Variants in PTPRN2 observed in about 807,000 individuals in gnomAD.
PTPRN2 encodes receptor-type tyrosine-protein phosphatase N2.
PTPRN2 carries 74 observed loss-of-function variants against 118.8 expected under a neutral mutation model. The ratio of observed to expected loss-of-function variants is 0.62; its 90% CI spans 0.52 to 0.76. The LOEUF is 0.76. PTPRN2 is among the 30% of genes least tolerant of loss of function. PTPRN2 has a pLI of 0.00. For synonymous variants in PTPRN2, 641 were observed against 608.0 expected (o/e 1.05, Z -0.80); for missense variants, 1,481 against 1,394.4 (o/e 1.06, Z -0.99).
chr7:158,143,945 G>T (rs1819636442), intron 6 of PTPRN2, among the ~76,000 whole-genome samples: 1 of 152,076 alleles, frequency 6.6e-6, no homozygotes, highest in Non-Finnish European at 1.5e-5. Context: ...CCCCCCCGCA[G>T]CCGGAGCTCC....
At chr7:157,624,136 T>G (rs758601881) in intron 14 of PTPRN2, among the ~76,000 whole-genome samples, 4 of 152,170 alleles carry the variant, frequency 2.6e-5, no homozygotes, top group Non-Finnish European at 5.9e-5. Flanking sequence ...GAAAGTGCAT[T>G]GAGGCCGGGC....
chr7:157,581,670 A>T (rs1430991592), intron 17 of PTPRN2, among the ~76,000 whole-genome samples: 2 of 152,236 alleles, frequency 1.3e-5, no homozygotes, highest in South Asian at 4.1e-4. Flanking sequence ...GACCCAACTG[A>T]GTAAGTTTAC....
chr7:157,651,256 C>T (rs1035782653), intron 14 of PTPRN2, among the ~76,000 whole-genome samples: 17 of 152,152 alleles, frequency 1.1e-4, no homozygotes, highest in African/African-American at 3.9e-4. Flanking sequence ...TCTGTCACTG[C>T]GCTTGGTTTT....
chr7:158,449,199 G>A (rs554377919), intron 2 of PTPRN2, among the ~76,000 whole-genome samples: 73 of 152,328 alleles, frequency 4.8e-4, no homozygotes, highest in African/African-American at 1.5e-3. Context: ...CAGGTCATGC[G>A]TGGGGTAGGG....
At chr7:158,301,599 G>A (rs1316784107) in intron 3 of PTPRN2, among the ~76,000 whole-genome samples, 2 of 152,194 alleles carry the variant, frequency 1.3e-5, no homozygotes, top group East Asian at 3.9e-4. Context: ...GATAAGCAAA[G>A]TGCATTCACA....
At chr7:158,334,898 T>C (rs542771245) in intron 2 of PTPRN2, among the ~76,000 whole-genome samples, 1 of 11,994 alleles carries the variant, frequency 8.3e-5, no homozygotes, top group African/African-American at 2.1e-4. Context: ...TCCGGAGGCG[T>C]CACTCACACC....
chr7:158,294,625 T>C (rs1250039937), intron 3 of PTPRN2, among the ~76,000 whole-genome samples: 6 of 152,112 alleles, frequency 3.9e-5, no homozygotes, highest in African/African-American at 1.2e-4. Flanking sequence ...GAGGCAGGGC[T>C]GAGCCAGGCC....
chr7:157,957,481 A>G (rs11773070), intron 11 of PTPRN2, among the ~76,000 whole-genome samples: 125,727 of 152,042 alleles, frequency 0.83, 52,571 homozygotes, highest in East Asian at 0.9. Context: ...TGGTACACAC[A>G]ACAGATACAA....
At chr7:158,258,191 C>G (rs556153296) in intron 3 of PTPRN2, among the ~76,000 whole-genome samples, 3 of 152,322 alleles carry the variant, frequency 2.0e-5, no homozygotes, top group Non-Finnish European at 4.4e-5. Context: ...CTGGAGCATT[C>G]CCGACGTCCA....
At chr7:158,223,412 A>C (rs1828509598) in intron 3 of PTPRN2, among the ~76,000 whole-genome samples, 1 of 152,218 alleles carries the variant, frequency 6.6e-6, no homozygotes, top group East Asian at 1.9e-4. Flanking sequence ...GTAGACACAA[A>C]AATCCTTTAC....
intron 2 of PTPRN2, among the ~76,000 whole-genome samples, chr7:158,358,135 C>A (rs554655489): frequency 1.3e-5 from 2 of 152,348 alleles, no homozygotes; most frequent in African/African-American, 4.8e-5. Flanking sequence ...CCCGGCTCAC[C>A]CCTGCAGGCG....
At chr7:157,809,701 C>T (rs552876108) in intron 12 of PTPRN2, among the ~76,000 whole-genome samples, 2 of 152,302 alleles carry the variant, frequency 1.3e-5, no homozygotes, top group South Asian at 2.1e-4. Flanking sequence ...TTGCCAGGAG[C>T]CACAGAGAGT....
intron 12 of PTPRN2, among the ~76,000 whole-genome samples, chr7:157,866,863 A>C (rs1297548492): frequency 1.0e-4 from 5 of 49,548 alleles, no homozygotes; most frequent in African/African-American, 1.6e-4. Flanking sequence ...CACGGCCACC[A>C]CCCCGCCCCC....
At chr7:157,687,421 G>A (rs1366953121) in intron 12 of PTPRN2, among the ~76,000 whole-genome samples, 2 of 152,182 alleles carry the variant, frequency 1.3e-5, no homozygotes, top group Non-Finnish European at 2.9e-5. Context: ...GTCACGATGT[G>A]CAGTATTAAA....
chr7:157,670,245 G>A (rs561312665), intron 13 of PTPRN2, among the ~76,000 whole-genome samples: 14 of 152,280 alleles, frequency 9.2e-5, no homozygotes, highest in Non-Finnish European at 1.6e-4. Context: ...AGGCACGTAC[G>A]GGCTCACGGG....
At chr7:158,582,022 T>A (rs190978321) in intron 1 of PTPRN2, among the ~76,000 whole-genome samples, 5 of 152,290 alleles carry the variant, frequency 3.3e-5, no homozygotes, top group Admixed American at 1.3e-4. Flanking sequence ...TGTGGCAGAG[T>A]TCTTAGAGAT....
At position 158,587,758 on chromosome 7, in the gene PTPRN2, G is replaced by T; in HGVS notation, c.-89C>A. The T allele has an allele frequency of 3.8e-6, 4 of 1,052,338 alleles. No homozygotes were observed. The highest frequency in any genetic ancestry group is 7.5e-5 in the East Asian group (1 of 13,280). 65.2% of individuals were successfully genotyped at this position (1,052,338 alleles called of 1,614,324 possible). On this transcript the variant is annotated 5_prime_UTR_variant, in exon 1 of 23. Transcript: ENST00000389418. The stretch of plus-strand genomic sequence containing the variant: ...GTCCGGGCCCAGGGAGGCGCGCGCC[G>T]CCGGCTCCTCCCGCCGCGCCTCTCG...
At chr7:157,594,325 C>T (rs1312332519) in intron 17 of PTPRN2, among the ~76,000 whole-genome samples, 3 of 152,186 alleles carry the variant, frequency 2.0e-5, no homozygotes, top group Non-Finnish European at 4.4e-5. Flanking sequence ...CGGTGCACAG[C>T]GACATCAGGA....
chr7:158,150,927 C>A lies in PTPRN2; in HGVS notation c.911-12412G>T, dbSNP rs79354729. Among the ~76,000 whole-genome samples the A allele has an allele frequency of 2.6e-5, 4 of 152,030 alleles. 1 individual carries two copies. Among genetic ancestry groups the A allele is most frequent in the African/African-American group, 9.7e-5 (4 of 41,436 alleles). ...GCAGCAAATGGGCCCCACACAACAC[C>A]GAGAAGCTGGGAAATATTATTCTGT... On this transcript the variant is annotated intron_variant, in intron 6 of 22. Coordinates refer to ENST00000389418, the MANE Select transcript of PTPRN2 (RefSeq NM_002847.5).
Sources: allele counts gnomAD v4.1 joint callset (sites outside exome capture counted in the v4.1 genomes callset), GRCh38; gene constraint gnomAD v4.1.1; transcripts MANE v1.5; gene names NCBI Gene and HGNC (gene_info 2026-07-23, HGNC 2026-07-21).